Variants in PDE4C observed in about 807,000 individuals in gnomAD.
PDE4C encodes phosphodiesterase 4C.
PDE4C carries 50 observed loss-of-function variants against 63.9 expected under a neutral mutation model. The ratio of observed to expected loss-of-function variants is 0.78; its 90% confidence interval spans 0.62 to 0.99. The LOEUF is 0.99. Among genes scored for constraint, PDE4C ranks in the 50% least tolerant of loss-of-function variants. PDE4C has a pLI of 0.00. For synonymous variants in PDE4C, 377 were observed against 385.1 expected, an observed-to-expected ratio of 0.98 and a Z score of 0.25; for missense variants, 777 against 899.1, an observed-to-expected ratio of 0.86 and a Z score of 1.74.
At chr19:18,211,819 C>A (rs763067347) in exon 14 of PDE4C, 9 of 1,614,266 alleles carry the variant, frequency 5.6e-6, no homozygotes, top group Middle Eastern at 1.6e-4. Context: ...CCAGGCCCGA[C>A]TCACGCTCGC....
rs114749657 is a variant in PDE4C at position 18,243,419 on chromosome 19, T to C, written c.-210+4752A>G. On this transcript the variant is annotated intron_variant, in intron 1 of 15. Transcript: ENST00000594617. ...CACCACATCCGGTGGTGACTGGTGA[T>C]TATTAAGCATGATTACTTGTTTTTC... 1.6e-3 allele frequency among the ~76,000 whole-genome samples: 248 copies of C among 152,224 alleles called. 2 individuals carry two copies. The highest frequency in any genetic ancestry group is 5.7e-3 in the African/African-American group (237 of 41,554).
intron 1 of PDE4C, among the ~76,000 whole-genome samples, chr19:18,223,489 C>A (rs989382964): frequency 6.6e-6 from 1 of 152,120 alleles, no homozygotes; most frequent in Non-Finnish European, 1.5e-5. Context: ...GGATTACAGG[C>A]GTGAGCCACC....
chr19:18,216,480 G>C (rs971948678), intron 12 of PDE4C, among the ~76,000 whole-genome samples: 3 of 151,918 alleles, frequency 2.0e-5, no homozygotes, highest in Non-Finnish European at 4.4e-5. Flanking sequence ...TCACCATGTT[G>C]GTCAGGCTGG....
chr19:18,220,917 T>A lies in PDE4C; in HGVS notation c.456A>T (p.Gly152=), dbSNP rs1461309201. The A allele has an allele frequency of 6.9e-6, 11 of 1,604,714 alleles. No homozygotes were observed. The African/African-American group carries it at 1.5e-4, about 21-fold the overall frequency. ...TGCTGGATGAAGGGTTTCCGACGGGTCCCTGCCTGCGGTACAGCAGCCTCA... is the reference window on the plus strand; with the variant it reads ...TGCTGGATGAAGGGTTTCCGACGGGACCCTGCCTGCGGTACAGCAGCCTCA... Residue 152 remains glycine (G), a synonymous_variant, in exon 5 of 15, where the codon GGA becomes GGT. Coordinates refer to ENST00000262805, the Ensembl canonical transcript of PDE4C. The surrounding 1 kb of genome is among the most constrained non-coding windows in gnomAD (Gnocchi z 5.1).
At chr19:18,231,447 G>A (rs185467189), upstream of PDE4C, among the ~76,000 whole-genome samples, 37 of 152,298 alleles carry the variant, frequency 2.4e-4, no homozygotes, top group African/African-American at 2.6e-4. Flanking sequence ...ACTAGAAGCC[G>A]GGGCGGGAGA....
chr19:18,228,393 G>A (rs1968785575), upstream of PDE4C, among the ~76,000 whole-genome samples: 1 of 152,074 alleles, frequency 6.6e-6, no homozygotes, highest in Non-Finnish European at 1.5e-5. Context: ...CCTACAAAGT[G>A]TGGACTACTA....
chr19:18,222,352 C>T (rs1424880063), intron 1 of PDE4C, 29 bp from the exon 2 acceptor site: 1 of 1,590,820 alleles, frequency 6.3e-7, no homozygotes, highest in South Asian at 1.1e-5. Context: ...TGGTCAGAGA[C>T]GAGGGTCATG....
intron 12 of PDE4C, among the ~76,000 whole-genome samples, chr19:18,215,188 C>A (rs1968137250): frequency 6.6e-6 from 1 of 152,158 alleles, no homozygotes; most frequent in Non-Finnish European, 1.5e-5. Flanking sequence ...TTTCTCTAAG[C>A]CCTCCTCACG....
intron 1 of PDE4C, among the ~76,000 whole-genome samples, chr19:18,239,668 C>A (rs891020617): frequency 6.6e-6 from 1 of 152,134 alleles, no homozygotes; most frequent in Non-Finnish European, 1.5e-5. Flanking sequence ...ATGGCCCAGT[C>A]TTCCCCTACT....
At chr19:18,236,590 G>T (rs1398324578), upstream of PDE4C, among the ~76,000 whole-genome samples, 1 of 152,156 alleles carries the variant, frequency 6.6e-6, no homozygotes, top group African/African-American at 2.4e-5. Context: ...TGTGAGGTCA[G>T]GAGCCTCCTC....
At chr19:18,232,402 T>C (rs866077802) in intron 1 of PDE4C, among the ~76,000 whole-genome samples, 2 of 132,960 alleles carry the variant, frequency 1.5e-5, no homozygotes, top group Admixed American at 7.8e-5. Flanking sequence ...TGTGTGTGTG[T>C]GTGTGTGCGT....
At chr19:18,234,122 G>A (rs1418075583), upstream of PDE4C, 1 of 152,900 alleles carries the variant, frequency 6.5e-6, no homozygotes, top group Non-Finnish European at 1.5e-5. Flanking sequence ...GGGAAGTCAG[G>A]TCTCTCTAAG....
At chr19:18,241,644 A>G (rs978462368) in intron 1 of PDE4C, among the ~76,000 whole-genome samples, 2 of 151,948 alleles carry the variant, frequency 1.3e-5, no homozygotes, top group Non-Finnish European at 2.9e-5. Flanking sequence ...TCGACCTCCT[A>G]AGCTCAAGGA....
At chr19:18,229,576 C>T (rs914885964), upstream of PDE4C, among the ~76,000 whole-genome samples, 10 of 90,320 alleles carry the variant, frequency 1.1e-4, no homozygotes, top group Non-Finnish European at 2.2e-4. Context: ...CAGTTTCCCT[C>T]ATTTGAATGT....
chr19:18,218,210 A>G (rs1197856345), exon 11 of PDE4C: 1 of 1,614,216 alleles, frequency 6.2e-7, no homozygotes, highest in South Asian at 1.1e-5. Flanking sequence ...TGGCGCTTGC[A>G]AAGAGGGCAG....
chr19:18,216,423 C>T lies in PDE4C; in HGVS notation c.1389+318G>A, dbSNP rs1013550316. The stretch of plus-strand genomic sequence containing the variant: ...CCAAGTAGCTGGGATGACAGGTGCA[C>T]ACCACCACACCCAGCTAATTTTTGT... On this transcript the variant is annotated intron_variant, in intron 12 of 14. Transcript: ENST00000262805. Among the ~76,000 whole-genome samples the T allele has an allele frequency of 3.3e-5, 5 of 152,086 alleles. No individual in the cohort carries two copies. The East Asian group carries it at 7.7e-4, about 24-fold the overall frequency.
chr19:18,221,964 A>G (rs1357599601), intron 2 of PDE4C, among the ~76,000 whole-genome samples, 168 bp downstream of exon 2: 1 of 152,078 alleles, frequency 6.6e-6, no homozygotes, highest in Non-Finnish European at 1.5e-5. Context: ...TACTCCAGCA[A>G]AAGGCCAAGT....
At chr19:18,255,286 G>A in the PDE4C span, 1 of 399,386 alleles carries the variant, frequency 2.5e-6, no homozygotes, top group South Asian at 1.3e-4. The surrounding 1 kb of genome is among the most constrained non-coding windows in gnomAD (Gnocchi z 4.6). Flanking sequence ...AGCAGAAGTG[G>A]CGGCAGCTGG....
chr19:18,246,627 C>T lies in PDE4C; in HGVS notation c.-210+1544G>A, dbSNP rs375065778. 5.8e-4 allele frequency among the ~76,000 whole-genome samples: 89 copies of T among 152,162 alleles called. 4 individuals are homozygous for T. In the South Asian group the frequency reaches 0.018, roughly 31 times the overall value. On this transcript the variant is annotated intron_variant, in intron 1 of 15. Transcript: ENST00000594617. ...ACAAAGTTAGCCCAGTTTTTTAACACACAAAAACGCTGAGTTCTGGCCAGG... is the reference window on the plus strand; with the variant it reads ...ACAAAGTTAGCCCAGTTTTTTAACATACAAAAACGCTGAGTTCTGGCCAGG...
Sources: gnomAD v4.1 joint callset for allele counts (sites outside exome capture counted in the v4.1 genomes callset) on GRCh38, gnomAD v4.1.1 for gene constraint, Gnocchi (gnomAD v3.1) non-coding constraint, MANE v1.5 for transcripts, NCBI Gene and HGNC (gene_info 2026-07-23, HGNC 2026-07-21) for gene names.